SESN1: variants seen among roughly 807,000 people sequenced by gnomAD.
SESN1 encodes the protein sestrin-1.
SESN1 carries 30 observed loss-of-function variants against 59.3 expected under a neutral mutation model. The observed-to-expected ratio is 0.51, with a 90% CI of 0.38 to 0.69. The LOEUF (loss-of-function observed/expected upper bound fraction) is 0.69. Among genes scored for constraint, SESN1 ranks in the 30% least tolerant of loss-of-function variants. The pLI is 0.00. For synonymous variants in SESN1, 197 were observed against 219.9 expected, an observed-to-expected ratio of 0.90 and a Z score of 0.92; for missense variants, 566 against 673.0, an observed-to-expected ratio of 0.84 and a Z score of 1.76.
At chr6:109,061,204 T>G (rs1780725401) in intron 1 of SESN1, among the ~76,000 whole-genome samples, 1 of 152,148 alleles carries the variant, frequency 6.6e-6, no homozygotes. Context: ...AAAAGAACAA[T>G]GTACTAATAT....
chr6:109,036,619 G>A (rs1780252226), intron 1 of SESN1, among the ~76,000 whole-genome samples: 1 of 152,126 alleles, frequency 6.6e-6, no homozygotes, highest in South Asian at 2.1e-4. Flanking sequence ...AATATGATAT[G>A]ATAAAAAAAA....
intron 1 of SESN1, among the ~76,000 whole-genome samples, chr6:109,006,598 T>C (rs950704130): frequency 1.2e-4 from 19 of 152,216 alleles, no homozygotes; most frequent in African/African-American, 4.6e-4. Context: ...GGTTCTAGAG[T>C]TGGTATCTTT....
intron 1 of SESN1, among the ~76,000 whole-genome samples, chr6:109,018,596 T>C (rs1205246271): frequency 6.6e-6 from 1 of 152,226 alleles, no homozygotes; most frequent in Non-Finnish European, 1.5e-5. Flanking sequence ...CCCATCATGA[T>C]TCCTTAGTTT....
chr6:109,043,715 G>C (rs1780377687), intron 1 of SESN1, among the ~76,000 whole-genome samples: 2 of 152,114 alleles, frequency 1.3e-5, no homozygotes, highest in African/African-American at 4.8e-5. Flanking sequence ...CAAATAAGTG[G>C]AGAAATATTC....
chr6:109,057,587 T>C (rs867578370), intron 1 of SESN1, among the ~76,000 whole-genome samples: 18 of 152,348 alleles, frequency 1.2e-4, no homozygotes, highest in Middle Eastern at 3.4e-3. Context: ...CTACCTCTGC[T>C]CAGAAGTTCA....
At chr6:109,015,180 G>A (rs930748162) in intron 1 of SESN1, among the ~76,000 whole-genome samples, 1 of 152,144 alleles carries the variant, frequency 6.6e-6, no homozygotes, top group Non-Finnish European at 1.5e-5. Flanking sequence ...TTATAGGCAG[G>A]CAGGCTGACT....
At chr6:109,003,613 G>C (rs932295039) in intron 1 of SESN1, among the ~76,000 whole-genome samples, 1 of 152,068 alleles carries the variant, frequency 6.6e-6, no homozygotes, top group African/African-American at 2.4e-5. Flanking sequence ...CTTCTCCCTG[G>C]TTAGTCCATC....
chr6:109,075,572 G>A (rs1301222284), intron 1 of SESN1, among the ~76,000 whole-genome samples: 1 of 152,142 alleles, frequency 6.6e-6, no homozygotes, highest in Non-Finnish European at 1.5e-5. Context: ...AGAACTTGAG[G>A]CCCTCAATCC....
chr6:109,050,577 A>G (rs890159842), intron 1 of SESN1, among the ~76,000 whole-genome samples: 6 of 152,310 alleles, frequency 3.9e-5, no homozygotes, highest in African/African-American at 1.4e-4. Flanking sequence ...AGAGGCAGGC[A>G]AACATCAAAG....
intron 9 of SESN1, among the ~76,000 whole-genome samples, chr6:108,987,947 T>C (rs4527738): frequency 0.1 from 15,302 of 151,834 alleles, 905 homozygotes; most frequent in Middle Eastern, 0.19. Flanking sequence ...GGAATACAGG[T>C]GCATGCCACT....
intron 5 of SESN1, among the ~76,000 whole-genome samples, 186 bp downstream of exon 5, chr6:108,998,327 T>C (rs1354083243): frequency 2.6e-5 from 4 of 152,162 alleles, no homozygotes; most frequent in Non-Finnish European, 4.4e-5. Context: ...AAATGTTGTA[T>C]ATCACCTAGA....
At chr6:109,059,144 T>A (rs939501469) in intron 1 of SESN1, among the ~76,000 whole-genome samples, 3 of 151,792 alleles carry the variant, frequency 2.0e-5, no homozygotes, top group Non-Finnish European at 4.4e-5. Context: ...TCTTAACATT[T>A]AACCAACCTG....
intron 1 of SESN1, among the ~76,000 whole-genome samples, chr6:109,002,864 G>A (rs1346401996): frequency 6.6e-6 from 1 of 152,166 alleles, no homozygotes; most frequent in Non-Finnish European, 1.5e-5. Context: ...CAGCACTACA[G>A]GGCATGTTTT....
chr6:109,025,554 C>G (rs1230071523), intron 1 of SESN1, among the ~76,000 whole-genome samples: 2 of 149,282 alleles, frequency 1.3e-5, no homozygotes, highest in Admixed American at 1.4e-4. Context: ...ACTTTGGATA[C>G]TAGATACAGA....
chr6:109,090,098 A>G (rs1034311411), intron 1 of SESN1, among the ~76,000 whole-genome samples: 34 of 152,346 alleles, frequency 2.2e-4, no homozygotes, highest in African/African-American at 7.7e-4. Context: ...TTAACTGAGC[A>G]TTTCTTTTAT....
intron 1 of SESN1, among the ~76,000 whole-genome samples, chr6:109,065,617 G>A (rs890624768): frequency 2.0e-5 from 3 of 151,856 alleles, no homozygotes; most frequent in Non-Finnish European, 4.4e-5. Context: ...GCAAGATATT[G>A]GGCCATTGTA....
At position 108,988,585 on chromosome 6, in the gene SESN1, T is replaced by G. The variant is rs1779266511; in HGVS notation, c.1527A>C (p.Arg509Ser). The G allele has an allele frequency of 6.2e-7, 1 of 1,613,234 alleles. No homozygotes were observed. Among genetic ancestry groups the G allele is most frequent in the Non-Finnish European group, 8.5e-7 (1 of 1,179,738 alleles). The change falls in exon 9 of 10, where the codon AGA becomes AGC. Residue 509 changes from arginine to serine, a missense_variant. Transcript: ENST00000436639. ...VVCTPEKVTK[R>S]MYDSFWRQFK... The stretch of plus-strand genomic sequence containing the variant: ...ACTGCCTCCAGAAGCTATCATACAT[T>G]CTTTTGGTAACCTTTTCAGGAGTGC...
At chr6:109,061,095 T>TAATATGA (rs1280885444) in intron 1 of SESN1, among the ~76,000 whole-genome samples, 10 of 150,912 alleles carry the variant, frequency 6.6e-5, no homozygotes, top group African/African-American at 2.2e-4. Context: ...ATCTCACACA[T>TAATATGA]ATTATTCATA....
At chr6:109,035,378 T>A (rs918412258) in intron 1 of SESN1, among the ~76,000 whole-genome samples, 3 of 152,140 alleles carry the variant, frequency 2.0e-5, no homozygotes, top group Admixed American at 1.3e-4. Context: ...ACACTACACC[T>A]CTGTGGTCCC....
Sources: allele counts gnomAD v4.1 joint callset (sites outside exome capture counted in the v4.1 genomes callset), GRCh38; gene constraint gnomAD v4.1.1; transcripts MANE v1.5; gene names NCBI Gene and HGNC (gene_info 2026-07-23, HGNC 2026-07-21).